Variants in SLIT2 observed in about 807,000 individuals in gnomAD.
SLIT2 encodes the protein slit homolog 2 protein.
A neutral mutation model predicts 185.7 loss-of-function variants in SLIT2; 41 were observed. That is an observed-to-expected ratio of 0.22 (90% CI 0.17 to 0.29). The LOEUF is 0.29. Ranked by LOEUF, SLIT2 falls within the 10% of genes least tolerant of loss-of-function variation. The pLI is 1.00. For missense variants in SLIT2, 1,571 were observed against 1,909.0 expected, an observed-to-expected ratio of 0.82 and a Z score of 3.30; for synonymous variants, 693 against 680.2, an observed-to-expected ratio of 1.02 and a Z score of -0.29.
At chr4:20,560,992 T>C (rs1312748523) in intron 26 of SLIT2, among the ~76,000 whole-genome samples, 3 of 151,864 alleles carry the variant, frequency 2.0e-5, no homozygotes, top group Middle Eastern at 3.2e-3. Flanking sequence ...AGTCTGGTGA[T>C]AGAAATATGT....
At chr4:20,488,517 C>T (rs1303299267) in intron 7 of SLIT2, among the ~76,000 whole-genome samples, 1 of 152,032 alleles carries the variant, frequency 6.6e-6, no homozygotes, top group Non-Finnish European at 1.5e-5. Context: ...GATGTTGGAA[C>T]TGTGGAGCAA....
chr4:20,555,012 CA>C (rs1413473100), intron 26 of SLIT2, among the ~76,000 whole-genome samples: 9 of 152,124 alleles, frequency 5.9e-5, no homozygotes, highest in Middle Eastern at 6.8e-3. Flanking sequence ...TCATGATCCA[CA>C]CCCCCTTGGC....
chr4:20,607,063 C>T (rs1045853173), intron 33 of SLIT2, among the ~76,000 whole-genome samples: 7 of 152,170 alleles, frequency 4.6e-5, no homozygotes, highest in African/African-American at 1.7e-4. Context: ...CCTCAGTGCT[C>T]ACCTCTTGTT....
rs188098880 is a variant in SLIT2, at chr4:20,469,247, C to G, written c.467+1424C>G. ...TTGCCTTCACTTAGCTGTAAAAATA[C>G]GGCAATAGCTGCAGTTGACCATCCC... On this transcript the variant is annotated intron_variant, in intron 5 of 36. Coordinates refer to ENST00000504154, the MANE Select transcript of SLIT2 (RefSeq NM_004787.4). Among the ~76,000 whole-genome samples the G allele has an allele frequency of 4.3e-4, 66 of 152,216 alleles. No homozygotes were observed. The South Asian group carries it at 7.1e-3, about 16-fold the overall frequency.
chr4:20,428,133 C>A (rs1272483083), intron 4 of SLIT2, among the ~76,000 whole-genome samples: 1 of 152,208 alleles, frequency 6.6e-6, no homozygotes, highest in African/African-American at 2.4e-5. Context: ...TGTTTGATCT[C>A]CGTACTTACA....
intron 4 of SLIT2, among the ~76,000 whole-genome samples, chr4:20,448,165 G>A (rs1712032411): frequency 6.6e-6 from 1 of 152,062 alleles, no homozygotes; most frequent in Non-Finnish European, 1.5e-5. Flanking sequence ...AATCCTTCGA[G>A]ATATTAACTC....
At chr4:20,520,766 C>G (rs1040354839) in intron 12 of SLIT2, among the ~76,000 whole-genome samples, 9 of 152,220 alleles carry the variant, frequency 5.9e-5, no homozygotes, top group African/African-American at 2.2e-4. Context: ...ATGTAGTGCT[C>G]TCTTTTCTGT....
chr4:20,345,192 C>T (rs1366921322), intron 4 of SLIT2, among the ~76,000 whole-genome samples: 1 of 152,068 alleles, frequency 6.6e-6, no homozygotes, highest in Non-Finnish European at 1.5e-5. Context: ...TATGGCACAC[C>T]TCCCCAAAAA....
At chr4:20,417,099 C>A (rs1727744908) in intron 4 of SLIT2, among the ~76,000 whole-genome samples, 1 of 151,756 alleles carries the variant, frequency 6.6e-6, no homozygotes, top group South Asian at 2.1e-4. Context: ...AGTTACTTGA[C>A]CTCATCCTTC....
rs1553898364 is a variant in SLIT2 at position 20,417,436 on chromosome 4, G to GTGTGTATATATATATATATATATATATA, written c.396-50315_396-50314insGTGTATATATATATATATATATATATAT. Reference sequence around the variant, plus strand: ...CGCAATCATATATATATGTGTGTGTGTATATATATATATATATATATACGT... The same window carrying GTGTGTATATATATATATATATATATATA: ...CGCAATCATATATATATGTGTGTGTGTGTGTATATATATATATATATATATATATATATATATATATATATATATACGT... On this transcript the variant is annotated intron_variant, in intron 4 of 36. Coordinates refer to ENST00000504154, the MANE Select transcript of SLIT2 (RefSeq NM_004787.4). 2.2e-4 allele frequency among the ~76,000 whole-genome samples: 27 copies of GTGTGTATATATATATATATATATATATA among 123,676 alleles called. 1 individual carries two copies. The highest frequency in any genetic ancestry group is 5.0e-3 in the Middle Eastern group (1 of 200). The allele number at this position is 123,676 out of a possible 152,430, so 81.1% of individuals were successfully genotyped here. A position where few individuals can be genotyped will look rare whatever the true frequency, so the allele number is the denominator to read the frequency against.
chr4:20,371,238 C>T (rs1016386166), intron 4 of SLIT2, among the ~76,000 whole-genome samples: 1 of 151,974 alleles, frequency 6.6e-6, no homozygotes, highest in African/African-American at 2.4e-5. Context: ...CACACATGCA[C>T]ATGTTCTCAC....
At chr4:20,370,468 A>G (rs1723481359) in intron 4 of SLIT2, among the ~76,000 whole-genome samples, 1 of 152,076 alleles carries the variant, frequency 6.6e-6, no homozygotes, top group African/African-American at 2.4e-5. Flanking sequence ...CATGATGCAC[A>G]CATTTATCTA....
chr4:20,280,205 C>T (rs958793927), intron 4 of SLIT2, among the ~76,000 whole-genome samples: 11 of 151,516 alleles, frequency 7.3e-5, no homozygotes, highest in East Asian at 1.9e-4. Flanking sequence ...TGGTGGCGGG[C>T]GCCTGTAGTC....
At chr4:20,293,839 T>C (rs1716209245) in intron 4 of SLIT2, among the ~76,000 whole-genome samples, 1 of 152,166 alleles carries the variant, frequency 6.6e-6, no homozygotes, top group South Asian at 2.1e-4. Flanking sequence ...TCACTGTGGC[T>C]CAGGGATGTG....
At chr4:20,549,386 C>T (rs886900981) in intron 24 of SLIT2, among the ~76,000 whole-genome samples, 10 of 152,054 alleles carry the variant, frequency 6.6e-5, no homozygotes, top group Admixed American at 1.3e-4. Context: ...AACATTAAGA[C>T]ATATGGTTTA....
intron 5 of SLIT2, among the ~76,000 whole-genome samples, chr4:20,479,471 C>T (rs1320945714): frequency 6.6e-6 from 1 of 152,134 alleles, no homozygotes; most frequent in African/African-American, 2.4e-5. Context: ...TACTCCTGTT[C>T]ATCCACATTC....
chr4:20,509,356 A>G (rs886898817), intron 9 of SLIT2, among the ~76,000 whole-genome samples: 76 of 152,172 alleles, frequency 5.0e-4, no homozygotes, highest in African/African-American at 1.6e-3. Context: ...ACCCAGGGCT[A>G]TAAGGACAGA....
intron 18 of SLIT2, among the ~76,000 whole-genome samples, chr4:20,538,780 TAAA>T (rs35129347): frequency 2.5e-5 from 3 of 121,130 alleles, no homozygotes; most frequent in African/African-American, 6.1e-5. Flanking sequence ...TGACAATGAC[TAAA>T]AAAAAAAAAA....
chr4:20,453,015 A>G (rs2148716726), intron 4 of SLIT2, among the ~76,000 whole-genome samples: 1 of 152,348 alleles, frequency 6.6e-6, no homozygotes, highest in Admixed American at 6.5e-5. Context: ...TGATATCATG[A>G]AAATGTGACT....
Sources: gnomAD v4.1 joint callset for allele counts (sites outside exome capture counted in the v4.1 genomes callset) on GRCh38, gnomAD v4.1.1 for gene constraint, MANE v1.5 for transcripts, NCBI Gene and HGNC (gene_info 2026-07-23, HGNC 2026-07-21) for gene names.